The following PPFIA4 variants were observed in gnomAD, a reference collection of about 807,000 sequenced individuals.
The protein encoded by PPFIA4 is PPFI scaffold protein A4.
Under a neutral mutation model 145.7 loss-of-function variants are expected in PPFIA4, and 98 were observed. The observed-to-expected ratio is 0.67, with a 90% CI of 0.57 to 0.80. The LOEUF (loss-of-function observed/expected upper bound fraction) is 0.80. Ranked by LOEUF, PPFIA4 falls within the 30% of genes least tolerant of loss-of-function variation. The pLI, the probability that PPFIA4 is intolerant of heterozygous loss-of-function variation, is 0.00. For missense variants in PPFIA4, 1,457 were observed against 1,632.7 expected, an observed-to-expected ratio of 0.89 and a Z score of 1.85; for synonymous variants, 628 against 649.6, an observed-to-expected ratio of 0.97 and a Z score of 0.51.
rs577702584 is a variant in PPFIA4, at chr1:203,039,251, C to T, written c.234+9C>T. ...ACTCCGCCCTCCCCCAGGTAAGGCC[C>T]GAAGGCCTGCGTCTCTCTTAACCCC... On this transcript the variant is annotated intron_variant, in intron 2 of 29. Coordinates refer to ENST00000295706, the MANE Select transcript of PPFIA4 (RefSeq NM_001304331.2). 1.5e-5 allele frequency: 24 copies of T among 1,554,042 alleles called. 1 individual carries two copies. The Admixed American group carries it at 2.5e-4, about 16-fold the overall frequency.
chr1:203,073,171 T>C (rs1378148842), intron 28 of PPFIA4, among the ~76,000 whole-genome samples: 2 of 152,202 alleles, frequency 1.3e-5, no homozygotes, highest in Non-Finnish European at 2.9e-5. Context: ...TTTATGGTAA[T>C]GATCACCACA....
chr1:203,060,976 G>A lies in PPFIA4; in HGVS notation c.2791G>A (p.Gly931Arg). 1.2e-6 allele frequency: 2 copies of A among 1,613,954 alleles called. No individual in the cohort carries two copies. Among genetic ancestry groups the A allele is most frequent in the Non-Finnish European group, 1.7e-6 (2 of 1,179,868 alleles). Reference protein sequence around the residue: ...SAPPTSRTSSGNVWVTHEEME... With the variant: ...SAPPTSRTSSRNVWVTHEEME... ...GTTTCCTCTCTGCCTGCAGTCTTCT[G>A]GGAATGTCTGGGTCACCCATGAAGA... Residue 931 changes from glycine (G) to arginine (R), a missense_variant, in exon 23 of 30, where the codon GGG (glycine) becomes AGG (arginine). Physicochemically the swap from Gly to Arg is moderately radical, Grantham distance 125. This residue lies in a region of PPFIA4 where 848 missense variants were observed against 1,046.7 expected (regional missense o/e 0.81). Coordinates refer to ENST00000295706, the MANE Select transcript of PPFIA4 (RefSeq NM_001304331.2). The surrounding 1 kb of genome is among the most constrained non-coding windows in gnomAD (Gnocchi z 4.8).
In PPFIA4 at chr1:203,068,723, G is replaced by A. The variant is rs187319579; in HGVS notation, c.3324+95G>A. ...CATACACAAAGGCTTAGGTATCTTG[G>A]GGGGTGGGGAGCTTTTCTAGGGCCT... is the stretch of plus-strand genomic sequence containing the variant. On this transcript the variant is annotated intron_variant, in intron 27 of 29. Transcript: ENST00000295706. The surrounding 1 kb of genome is among the most constrained non-coding windows in gnomAD (Gnocchi z 4.7). The A allele has an allele frequency of 1.8e-5, 23 of 1,303,710 alleles. No individual in the cohort carries two copies. The highest frequency in any genetic ancestry group is 1.4e-4 in the African/African-American group (9 of 64,462). The allele number at this position is 1,303,710 out of a possible 1,614,324, so 80.8% of individuals were successfully genotyped here.
chr1:203,039,366 ACT>A, intron 2 of PPFIA4, 124 bp downstream of exon 2: 1 of 691,600 alleles, frequency 1.4e-6, no homozygotes, highest in Non-Finnish European at 2.3e-6. Flanking sequence ...CTGAGCATTT[ACT>A]CTCCTTCATC....
intron 13 of PPFIA4, among the ~76,000 whole-genome samples, chr1:203,050,419 A>G (rs1660420393): frequency 6.6e-6 from 1 of 152,158 alleles, no homozygotes; most frequent in Non-Finnish European, 1.5e-5. Flanking sequence ...CCCAGGCCAG[A>G]GAGGTGGGGT....
rs903365 is a variant in PPFIA4 at position 203,075,914 on chromosome 1, T to C, written c.3574+157T>C. 473,084 of 769,736 alleles carry C rather than the reference T, an allele frequency of 0.61. 146,653 individuals are homozygous for C. Among genetic ancestry groups the C allele is most frequent in the African/African-American group, 0.65 (35,305 of 54,396 alleles). The allele number at this position is 769,736 out of a possible 1,614,324, so 47.7% of individuals were successfully genotyped here. ...ACTAACGCTCCGCGGGGAGCGTGTG[T>C]GCGCACTAACCCGCCGCTCTGTGTG... On this transcript the variant is annotated intron_variant, in intron 29 of 29. Transcript: ENST00000295706. The surrounding 1 kb of genome is among the most constrained non-coding windows in gnomAD (Gnocchi z 4.1).
intron 19 of PPFIA4, 107 bp from the exon 20 acceptor site, chr1:203,059,071 T>A (rs1661179683): frequency 1.2e-6 from 1 of 831,068 alleles, no homozygotes; most frequent in Non-Finnish European, 2.0e-6. Flanking sequence ...AGGCCATGGG[T>A]TGTCCTCTGC....
chr1:203,058,304 GGTGGT>G (rs1260465799), intron 19 of PPFIA4, among the ~76,000 whole-genome samples: 1 of 152,246 alleles, frequency 6.6e-6, no homozygotes, highest in Non-Finnish European at 1.5e-5. Context: ...GAAGGAAAGG[GGTGGT>G]CTGGGAACGG....
intron 17 of PPFIA4, 63 bp downstream of exon 17, chr1:203,056,218 G>C: frequency 1.2e-6 from 2 of 1,610,830 alleles, no homozygotes; most frequent in Admixed American, 3.3e-5. Context: ...TTTCCTTTCA[G>C]CTTCCTCCCC....
chr1:203,049,382 G>A (rs1164569611), intron 12 of PPFIA4, among the ~76,000 whole-genome samples: 1 of 152,186 alleles, frequency 6.6e-6, no homozygotes, highest in East Asian at 1.9e-4. Context: ...CTCATCTGCT[G>A]TGCATCTGTG....
At position 203,045,390 on chromosome 1, in the gene PPFIA4, A is replaced by G. The variant is rs749300467; in HGVS notation, c.689A>G (p.Glu230Gly). 6.2e-7 allele frequency: 1 copy of G among 1,604,632 alleles called. No homozygotes were observed. ...LWKEDTGRVEELQELLEKQNF... is the reference protein window; with the variant it reads ...LWKEDTGRVEGLQELLEKQNF... ...GAGGAGGATACGGGCCGGGTAGAGG[A>G]GCTGCAGGAGCTCCTGGAGAAGCAG... is the stretch of plus-strand genomic sequence containing the variant. The change falls in exon 7 of 30, where the codon GAG becomes GGG. Residue 230 changes from glutamate (E) to glycine (G), a missense_variant. Coordinates refer to ENST00000295706, the MANE Select transcript of PPFIA4 (RefSeq NM_001304331.2).
chr1:203,031,530 A>G (rs1658828749), intron 1 of PPFIA4, among the ~76,000 whole-genome samples: 1 of 152,116 alleles, frequency 6.6e-6, no homozygotes, highest in African/African-American at 2.4e-5. Flanking sequence ...TATGATGCCT[A>G]CATTCCTCCC....
chr1:203,066,009 G>A (rs1229625589), intron 25 of PPFIA4, among the ~76,000 whole-genome samples: 1 of 152,224 alleles, frequency 6.6e-6, no homozygotes, highest in Non-Finnish European at 1.5e-5. Context: ...GGCTGGCTAA[G>A]CCCTTGTATT....
intron 2 of PPFIA4, among the ~76,000 whole-genome samples, chr1:203,041,517 A>T (rs913835930): frequency 6.6e-6 from 1 of 152,212 alleles, no homozygotes; most frequent in Admixed American, 6.5e-5. Flanking sequence ...GCCTGAGCCC[A>T]GGAGGTCCAG....
At chr1:203,046,661 C>T (rs79482349) in intron 9 of PPFIA4, among the ~76,000 whole-genome samples, 6 of 144,546 alleles carry the variant, frequency 4.2e-5, no homozygotes, top group East Asian at 2.0e-4. Flanking sequence ...TTTTCTTTTT[C>T]TTTTTTTTTT....
intron 1 of PPFIA4, among the ~76,000 whole-genome samples, chr1:203,036,890 T>TGA (rs1255366448): frequency 6.6e-6 from 1 of 152,230 alleles, no homozygotes; most frequent in Admixed American, 6.5e-5. Flanking sequence ...CCCTCCACAG[T>TGA]GGCTGTCTGG....
At chr1:203,069,571 T>C (rs887729017) in intron 27 of PPFIA4, among the ~76,000 whole-genome samples, 1 of 152,258 alleles carries the variant, frequency 6.6e-6, no homozygotes, top group African/African-American at 2.4e-5. Context: ...TCTGGACTGT[T>C]TGCAGCTGTC....
intron 14 of PPFIA4, among the ~76,000 whole-genome samples, chr1:203,052,809 G>T (rs1442872110): frequency 6.6e-6 from 1 of 152,130 alleles, no homozygotes; most frequent in Non-Finnish European, 1.5e-5. Context: ...CGCTGGATAG[G>T]TTTGTAGGAT....
At chr1:203,072,543 G>A (rs1051037710) in intron 28 of PPFIA4, among the ~76,000 whole-genome samples, 2 of 152,128 alleles carry the variant, frequency 1.3e-5, no homozygotes, top group Non-Finnish European at 2.9e-5. Flanking sequence ...CTTGGCCCCC[G>A]CCTCCTCTTC....
Sources: allele counts gnomAD v4.1 joint callset (sites outside exome capture counted in the v4.1 genomes callset), GRCh38; gene constraint gnomAD v4.1.1; regional missense constraint gnomAD v4.1.1; non-coding constraint Gnocchi (gnomAD v3.1); transcripts MANE v1.5; gene names NCBI Gene and HGNC (gene_info 2026-07-23, HGNC 2026-07-21).